The following ELAVL2 variants were observed in gnomAD, a reference collection of about 807,000 sequenced individuals.
ELAVL2 encodes ELAV-like protein 2.
ELAVL2 carries 4 observed loss-of-function variants against 34.6 expected under a neutral mutation model. The ratio of observed to expected loss-of-function variants is 0.12; its 90% CI spans 0.06 to 0.26. The LOEUF (loss-of-function observed/expected upper bound fraction) is 0.26. Ranked by LOEUF, ELAVL2 falls within the 10% of genes least tolerant of loss-of-function variation. The pLI is 1.00. For synonymous variants in ELAVL2, 193 were observed against 154.8 expected, an observed-to-expected ratio of 1.25 and a Z score of -1.83; for missense variants, 432 against 442.8, an observed-to-expected ratio of 0.98 and a Z score of 0.22.
intron 3 of ELAVL2, among the ~76,000 whole-genome samples, chr9:23,720,522 A>C (rs968100249): frequency 6.6e-6 from 1 of 152,158 alleles, no homozygotes; most frequent in Non-Finnish European, 1.5e-5. Flanking sequence ...AATTCTCCAA[A>C]TACCCTCAGA....
chr9:23,698,604 A>C (rs2036088437), intron 5 of ELAVL2, among the ~76,000 whole-genome samples: 1 of 152,214 alleles, frequency 6.6e-6, no homozygotes, highest in Admixed American at 6.5e-5. Context: ...AAAGGTGACA[A>C]AAACTCAAGG....
At chr9:23,707,209 G>A (rs563058117) in intron 3 of ELAVL2, among the ~76,000 whole-genome samples, 2 of 152,206 alleles carry the variant, frequency 1.3e-5, no homozygotes, top group Non-Finnish European at 2.9e-5. Context: ...AACTTAGATG[G>A]AATCAAATCT....
At chr9:23,819,859 T>C (rs1256480439) in intron 1 of ELAVL2, among the ~76,000 whole-genome samples, 1 of 152,222 alleles carries the variant, frequency 6.6e-6, no homozygotes, top group Non-Finnish European at 1.5e-5. Context: ...GTTTTCTTCC[T>C]CTTCTTTCTC....
At chr9:23,750,276 C>T (rs1009691550) in intron 2 of ELAVL2, among the ~76,000 whole-genome samples, 2 of 151,992 alleles carry the variant, frequency 1.3e-5, no homozygotes, top group Non-Finnish European at 2.9e-5. Context: ...AATGTTATCA[C>T]GCCTTTTTGC....
intron 1 of ELAVL2, among the ~76,000 whole-genome samples, chr9:23,809,113 T>C (rs1282976594): frequency 6.6e-6 from 1 of 152,192 alleles, no homozygotes; most frequent in Admixed American, 6.5e-5. Flanking sequence ...TATTCTAAAT[T>C]ACAGCTAACC....
chr9:23,808,426 T>C (rs1588700576), intron 1 of ELAVL2, among the ~76,000 whole-genome samples: 1 of 151,994 alleles, frequency 6.6e-6, no homozygotes, highest in Non-Finnish European at 1.5e-5. Context: ...ACTAAACAAA[T>C]GAAAATCTGC....
the ELAVL2 span, among the ~76,000 whole-genome samples, chr9:23,842,412 A>C: frequency 6.6e-6 from 1 of 152,086 alleles, no homozygotes; most frequent in Non-Finnish European, 1.5e-5. Context: ...CAAATGGTAG[A>C]GATAGTCTCC....
intron 1 of ELAVL2, among the ~76,000 whole-genome samples, chr9:23,763,893 C>G (rs985622548): frequency 6.6e-6 from 1 of 152,120 alleles, no homozygotes; most frequent in Non-Finnish European, 1.5e-5. Context: ...AGCTGTTTCT[C>G]TACGTAAGCT....
intron 2 of ELAVL2, among the ~76,000 whole-genome samples, chr9:23,753,242 A>G (rs1277431637): frequency 6.6e-6 from 1 of 152,198 alleles, no homozygotes; most frequent in African/African-American, 2.4e-5. Flanking sequence ...CTCAACGTTC[A>G]GTAGCAGCAG....
chr9:23,739,804 C>G (rs950563087), intron 2 of ELAVL2, among the ~76,000 whole-genome samples: 1 of 150,662 alleles, frequency 6.6e-6, no homozygotes, highest in African/African-American at 2.4e-5. Flanking sequence ...CACGCACACA[C>G]CCCCCCCACT....
rs1210013779 is a variant in ELAVL2 at position 23,715,428 on chromosome 9, G to A, written c.334-10357C>T. On this transcript the variant is annotated intron_variant, in intron 3 of 6. Coordinates refer to ENST00000397312, the MANE Select transcript of ELAVL2 (RefSeq NM_004432.5). ...CTCCCAAAGCGCTGGGATTACAGGC[G>A]TGAGCCACCACGCCCAGCTAGGAGG... Among the ~76,000 whole-genome samples, 8 of 152,328 alleles carry A rather than the reference G, an allele frequency of 5.3e-5. No individual in the cohort carries two copies. The East Asian group carries it at 1.2e-3, about 22-fold the overall frequency.
intron 5 of ELAVL2, among the ~76,000 whole-genome samples, chr9:23,695,381 G>A (rs892443166): frequency 3.9e-5 from 6 of 152,086 alleles, no homozygotes; most frequent in Admixed American, 3.3e-4. Flanking sequence ...CATCCATGTA[G>A]GGACAGGTCA....
chr9:23,717,886 C>T (rs1041069601), intron 3 of ELAVL2, among the ~76,000 whole-genome samples: 2 of 152,152 alleles, frequency 1.3e-5, no homozygotes, highest in Non-Finnish European at 2.9e-5. Flanking sequence ...TACAGATACT[C>T]CCTGTCCAAC....
chr9:23,749,829 G>A (rs566789156), intron 2 of ELAVL2, among the ~76,000 whole-genome samples: 15 of 152,092 alleles, frequency 9.9e-5, no homozygotes, highest in South Asian at 6.2e-4. Flanking sequence ...TATGTGTGGT[G>A]GGATCTGGCC....
intron 5 of ELAVL2, 58 bp downstream of exon 5, chr9:23,701,321 A>G: frequency 6.3e-7 from 1 of 1,575,024 alleles, no homozygotes; most frequent in South Asian, 1.1e-5. Context: ...ACTGGACAGT[A>G]AACCTGAGTA....
chr9:23,792,670 T>A (rs1051497107), intron 1 of ELAVL2, among the ~76,000 whole-genome samples: 1 of 152,312 alleles, frequency 6.6e-6, no homozygotes, highest in South Asian at 2.1e-4. Flanking sequence ...TCCCTAATGT[T>A]TTCTCCCAAC....
chr9:23,781,892 G>T (rs2059117936), intron 1 of ELAVL2, among the ~76,000 whole-genome samples: 1 of 152,112 alleles, frequency 6.6e-6, no homozygotes, highest in African/African-American at 2.4e-5. Flanking sequence ...CAGCGTGTTA[G>T]TCAGGATGGT....
chr9:23,803,852 A>C (rs778438359), intron 1 of ELAVL2, among the ~76,000 whole-genome samples: 2 of 152,082 alleles, frequency 1.3e-5, no homozygotes, highest in Non-Finnish European at 2.9e-5. Flanking sequence ...AGACCTCACC[A>C]AACTCCCATA....
At chr9:23,846,826 A>G in the ELAVL2 span, among the ~76,000 whole-genome samples, 1 of 152,048 alleles carries the variant, frequency 6.6e-6, no homozygotes, top group South Asian at 2.1e-4. Context: ...CCCTCAGAAT[A>G]TGTGGCAATT....
Sources: allele counts gnomAD v4.1 joint callset (sites outside exome capture counted in the v4.1 genomes callset), GRCh38; gene constraint gnomAD v4.1.1; transcripts MANE v1.5; gene names NCBI Gene and HGNC (gene_info 2026-07-23, HGNC 2026-07-21).